The following HCN1 variants were observed in gnomAD, a reference collection of about 807,000 sequenced individuals.
The protein encoded by HCN1 is hyperpolarization activated cyclic nucleotide gated potassium channel 1.
In HCN1, 13 loss-of-function variants were observed where a neutral mutation model predicts 78.9. That is an observed-to-expected ratio of 0.16 (90% CI 0.11 to 0.26). The LOEUF (loss-of-function observed/expected upper bound fraction) is 0.26, where lower values mean the gene tolerates loss of function less well. Among genes scored for constraint, HCN1 ranks in the 10% least tolerant of loss-of-function variants. The pLI, the probability that HCN1 is intolerant of heterozygous loss-of-function variation, is 1.00. For synonymous variants in HCN1, 552 were observed against 455.5 expected (o/e 1.21, Z -2.70); for missense variants, 810 against 1,154.3 (o/e 0.70, Z 4.32).
chr5:45,368,172 G>A (rs917550546), intron 4 of HCN1, among the ~76,000 whole-genome samples: 2 of 152,036 alleles, frequency 1.3e-5, no homozygotes, highest in East Asian at 1.9e-4. Flanking sequence ...ATTAATACAC[G>A]TTTTGTGTTC....
intron 2 of HCN1, among the ~76,000 whole-genome samples, chr5:45,639,282 T>G (rs1211366188): frequency 6.6e-6 from 1 of 152,196 alleles, no homozygotes. Flanking sequence ...CAATATTTGC[T>G]TGCAGAAAAT....
rs545536159 is a variant in HCN1 at position 45,610,429 on chromosome 5, A to G, written c.849+34756T>C. 1.8e-3 allele frequency among the ~76,000 whole-genome samples: 268 copies of G among 151,778 alleles called. 1 individual carries two copies. Among genetic ancestry groups the G allele is most frequent in the African/African-American group, 6.2e-3 (259 of 41,516 alleles). ...TACTGTTGTCTGAAATGAAGACTGAAAGTATTTCAGTTTTATATATTTCAA... is the reference window on the plus strand; with the variant it reads ...TACTGTTGTCTGAAATGAAGACTGAGAGTATTTCAGTTTTATATATTTCAA... On this transcript the variant is annotated intron_variant, in intron 2 of 7. Transcript: ENST00000303230.
intron 6 of HCN1, among the ~76,000 whole-genome samples, chr5:45,272,476 C>T (rs945207528): frequency 1.3e-5 from 2 of 151,962 alleles, no homozygotes; most frequent in African/African-American, 4.8e-5. Flanking sequence ...CATATAGTTA[C>T]CTTATAATAT....
chr5:45,585,280 A>T (rs1744187559), intron 2 of HCN1, among the ~76,000 whole-genome samples: 1 of 151,802 alleles, frequency 6.6e-6, no homozygotes, highest in Non-Finnish European at 1.5e-5. Flanking sequence ...CATTCATTTG[A>T]TCTTCCATCA....
chr5:45,386,384 G>C (rs545190319), intron 4 of HCN1, among the ~76,000 whole-genome samples: 10 of 151,992 alleles, frequency 6.6e-5, no homozygotes, highest in African/African-American at 1.9e-4. Flanking sequence ...TCCCTCTGTT[G>C]CCCAGGCTAG....
chr5:45,607,096 T>C (rs1663699258), intron 2 of HCN1, among the ~76,000 whole-genome samples: 1 of 151,812 alleles, frequency 6.6e-6, no homozygotes, highest in Admixed American at 6.6e-5. Flanking sequence ...TGCCTTCAAA[T>C]TTGAAACTTA....
intron 2 of HCN1, among the ~76,000 whole-genome samples, chr5:45,491,139 C>T (rs1005514284): frequency 1.3e-5 from 2 of 152,090 alleles, no homozygotes; most frequent in African/African-American, 2.4e-5. Flanking sequence ...GAATCACACT[C>T]GGAATCTGTA....
intron 2 of HCN1, among the ~76,000 whole-genome samples, chr5:45,639,824 C>T (rs1316347289): frequency 6.6e-6 from 1 of 152,144 alleles, no homozygotes; most frequent in African/African-American, 2.4e-5. Flanking sequence ...GGCCTCCAAC[C>T]CCCTTCATTC....
At chr5:45,300,769 C>T (rs1745597877) in intron 6 of HCN1, among the ~76,000 whole-genome samples, 1 of 152,044 alleles carries the variant, frequency 6.6e-6, no homozygotes, top group Non-Finnish European at 1.5e-5. Context: ...AACTTCAATA[C>T]TCTCTTTCTT....
intron 5 of HCN1, among the ~76,000 whole-genome samples, chr5:45,351,916 T>C (rs960549485): frequency 2.6e-5 from 4 of 152,184 alleles, no homozygotes; most frequent in African/African-American, 7.2e-5. Flanking sequence ...GGAACACTTT[T>C]ACACTGTTGG....
chr5:45,497,299 G>C (rs1418046445), intron 2 of HCN1, among the ~76,000 whole-genome samples: 1 of 152,080 alleles, frequency 6.6e-6, no homozygotes, highest in East Asian at 1.9e-4. Flanking sequence ...GTTGACAGTG[G>C]GGTGTTAAAG....
intron 3 of HCN1, among the ~76,000 whole-genome samples, chr5:45,450,333 T>A (rs1740891740): frequency 6.6e-6 from 1 of 152,366 alleles, no homozygotes; most frequent in Non-Finnish European, 1.5e-5. Context: ...AGTATATGAT[T>A]TCTATATTCA....
Position 45,262,258 on chromosome 5 carries a change from A to G in HCN1, c.2336T>C (p.Leu779Pro). ...KSTQALHNTN[L>P]TREVRPLSAS... ...GGAGAGTGGCCTGACTTCCCGGGTC[A>G]GGTTGGTGTTGTGAAGCGCCTGCGT... is the stretch of plus-strand genomic sequence containing the variant. Residue 779 changes from leucine (L) to proline (P), a missense_variant, in exon 8 of 8, where the codon CTG becomes CCG. This residue lies in a region of HCN1 where 398 missense variants were observed against 381.3 expected (regional missense o/e 1.04). Transcript: ENST00000303230. 1 of 1,614,016 alleles carries G rather than the reference A, an allele frequency of 6.2e-7. No individual in the cohort carries two copies. Among genetic ancestry groups the G allele is most frequent in the East Asian group, 2.2e-5 (1 of 44,866 alleles).
chr5:45,496,510 G>T (rs996835250), intron 2 of HCN1, among the ~76,000 whole-genome samples: 1 of 152,096 alleles, frequency 6.6e-6, no homozygotes, highest in Non-Finnish European at 1.5e-5. Context: ...GACTCTTTTT[G>T]GTTGGTAAGC....
At chr5:45,657,976 C>G (rs1408046089) in intron 1 of HCN1, among the ~76,000 whole-genome samples, 1 of 152,190 alleles carries the variant, frequency 6.6e-6, no homozygotes, top group African/African-American at 2.4e-5. Context: ...CATCATGCTA[C>G]CTGACTTCAA....
In HCN1 at chr5:45,371,986, A is replaced by G. The variant is rs1364733237; in HGVS notation, c.1231-18740T>C. 7.6e-4 allele frequency among the ~76,000 whole-genome samples: 5 copies of G among 6,562 alleles called. 1 individual carries two copies. Among genetic ancestry groups the G allele is most frequent in the Non-Finnish European group, 1.3e-3 (5 of 3,944 alleles). The allele number at this position is 6,562 out of a possible 152,430, so 4.3% of individuals were successfully genotyped here. On this transcript the variant is annotated intron_variant, in intron 4 of 7. Coordinates refer to ENST00000303230, the MANE Select transcript of HCN1 (RefSeq NM_021072.4). ...ATATATTATATTATGTATATTATATATAATGTAATATATATAGTATATATC... is the reference window on the plus strand; with the variant it reads ...ATATATTATATTATGTATATTATATGTAATGTAATATATATAGTATATATC...
intron 2 of HCN1, among the ~76,000 whole-genome samples, chr5:45,511,718 CT>C (rs915215939): frequency 1.3e-5 from 2 of 151,854 alleles, no homozygotes; most frequent in Admixed American, 6.6e-5. Context: ...GACATGAGGA[CT>C]TAATGTAATG....
chr5:45,666,965 G>A (rs1216832678), intron 1 of HCN1, among the ~76,000 whole-genome samples: 1 of 151,962 alleles, frequency 6.6e-6, no homozygotes, highest in Non-Finnish European at 1.5e-5. Flanking sequence ...ATGTCTAAGA[G>A]AAGATTTAAA....
intron 2 of HCN1, among the ~76,000 whole-genome samples, chr5:45,474,969 A>T (rs1289683170): frequency 1.3e-5 from 2 of 152,012 alleles, no homozygotes; most frequent in African/African-American, 2.4e-5. Context: ...GCACAAAAAG[A>T]TTGAATTCAA....
Sources: gnomAD v4.1 joint callset for allele counts (sites outside exome capture counted in the v4.1 genomes callset) on GRCh38, gnomAD v4.1.1 for gene constraint, gnomAD v4.1.1 regional missense constraint, MANE v1.5 for transcripts, NCBI Gene and HGNC (gene_info 2026-07-23, HGNC 2026-07-21) for gene names.